Variants in NTN1 observed in about 807,000 individuals in gnomAD.
NTN1 encodes netrin 1, also known as netrin-1.
Under a neutral mutation model 54.2 loss-of-function variants are expected in NTN1, and 11 were observed. That is an observed-to-expected ratio of 0.20 (90% CI 0.13 to 0.34). The LOEUF is 0.34. Among genes scored for constraint, NTN1 ranks in the 10% least tolerant of loss-of-function variants. The probability of loss-of-function intolerance (pLI) is 1.00; values close to 1 mark genes in which losing one functional copy is unlikely to be tolerated. For synonymous variants in NTN1, 371 were observed against 382.0 expected, an observed-to-expected ratio of 0.97 and a Z score of 0.33; for missense variants, 740 against 893.1, an observed-to-expected ratio of 0.83 and a Z score of 2.18.
intron 2 of NTN1, among the ~76,000 whole-genome samples, chr17:9,090,268 T>C (rs1246972567): frequency 6.6e-6 from 1 of 151,768 alleles, no homozygotes; most frequent in South Asian, 2.1e-4. Context: ...CTCTGCCTCC[T>C]GGATTCAAGC....
intron 3 of NTN1, among the ~76,000 whole-genome samples, chr17:9,166,749 G>A (rs2092374540): frequency 6.6e-6 from 1 of 152,166 alleles, no homozygotes; most frequent in African/African-American, 2.4e-5. Flanking sequence ...AGGGGAACAG[G>A]GACAAAGGGC....
At chr17:9,045,889 T>TA (rs941492852) in intron 2 of NTN1, among the ~76,000 whole-genome samples, 9 of 152,030 alleles carry the variant, frequency 5.9e-5, no homozygotes, top group African/African-American at 2.2e-4. Context: ...ATCAGAGACT[T>TA]AAAAAAAGTA....
rs1905282527 is a variant in NTN1 at position 9,219,424 on chromosome 17, G to A, written c.1412-1744G>A. Among the ~76,000 whole-genome samples the A allele has an allele frequency of 6.6e-6, 1 of 152,230 alleles. No individual in the cohort carries two copies. The highest frequency in any genetic ancestry group is 6.5e-5 in the Admixed American group (1 of 15,284). On this transcript the variant is annotated intron_variant, in intron 5 of 6. Coordinates refer to ENST00000173229, the MANE Select transcript of NTN1 (RefSeq NM_004822.3). This position sits in a 1 kb window ranked among gnomAD's most constrained non-coding sequence, Gnocchi z 4.5. ...GGGCTCCGAGGGCTCAGATCATAGG[G>A]AGCAGGAAGCAGGGCTGTTTTTCTC...
chr17:9,195,103 G>A (rs1355742723), intron 5 of NTN1, among the ~76,000 whole-genome samples: 5 of 150,496 alleles, frequency 3.3e-5, no homozygotes, highest in Non-Finnish European at 5.9e-5. Flanking sequence ...CCACCCCCTC[G>A]TCCTTTTCCC....
At chr17:9,059,647 G>A (rs749889321) in intron 2 of NTN1, among the ~76,000 whole-genome samples, 4 of 152,168 alleles carry the variant, frequency 2.6e-5, no homozygotes, top group Non-Finnish European at 5.9e-5. Context: ...TGCCAGGGGC[G>A]GGAGGAAGGG....
intron 2 of NTN1, among the ~76,000 whole-genome samples, chr17:9,063,869 G>T (rs4408582): frequency 0.75 from 113,511 of 151,942 alleles, 42,705 homozygotes; most frequent in East Asian, 1. Flanking sequence ...GCAGATGCAT[G>T]CCTTGAGGAA....
At chr17:9,113,010 G>A (rs2092197658) in intron 2 of NTN1, among the ~76,000 whole-genome samples, 1 of 150,254 alleles carries the variant, frequency 6.7e-6, no homozygotes, top group Non-Finnish European at 1.5e-5. Flanking sequence ...GATACGTTTT[G>A]TATACAGAAT....
chr17:9,118,614 A>G (rs555232777), intron 2 of NTN1, among the ~76,000 whole-genome samples: 62 of 152,180 alleles, frequency 4.1e-4, no homozygotes, highest in African/African-American at 1.4e-3. Context: ...AATAAAACCC[A>G]TACCCATCAG....
At chr17:9,191,675 A>G (rs984084033) in intron 5 of NTN1, among the ~76,000 whole-genome samples, 1 of 152,178 alleles carries the variant, frequency 6.6e-6, no homozygotes, top group Admixed American at 6.5e-5. Flanking sequence ...ACAAATGGCA[A>G]TATGCATAGG....
chr17:9,144,503 C>T (rs2092307653), intron 2 of NTN1, among the ~76,000 whole-genome samples: 1 of 152,206 alleles, frequency 6.6e-6, no homozygotes, highest in Non-Finnish European at 1.5e-5. Context: ...CTTGACTCCC[C>T]TTTGTCACCT....
intron 2 of NTN1, among the ~76,000 whole-genome samples, chr17:9,031,543 G>A (rs2091888375): frequency 6.6e-6 from 1 of 152,176 alleles, no homozygotes; most frequent in South Asian, 2.1e-4. Context: ...GTCCCCTTCT[G>A]AAGACCTTCC....
intron 2 of NTN1, among the ~76,000 whole-genome samples, chr17:9,040,029 A>C (rs777444545): frequency 6.6e-5 from 10 of 152,218 alleles, no homozygotes; most frequent in Non-Finnish European, 1.0e-4. Context: ...TGGATGATAC[A>C]GTAGGTGTAG....
intron 2 of NTN1, among the ~76,000 whole-genome samples, chr17:9,157,285 C>G (rs1355172347): frequency 6.6e-6 from 1 of 152,236 alleles, no homozygotes; most frequent in Non-Finnish European, 1.5e-5. Flanking sequence ...GTTGAGAGTG[C>G]ATTGTCCATC....
At chr17:9,163,028 G>T (rs755497852) in intron 3 of NTN1, 27 bp downstream of exon 3, 10 of 1,566,570 alleles carry the variant, frequency 6.4e-6, no homozygotes, top group Admixed American at 3.7e-5. Flanking sequence ...GGGGCGGGGG[G>T]CTGGGGAGAC....
intron 2 of NTN1, among the ~76,000 whole-genome samples, chr17:9,149,017 G>T (rs956792308): frequency 1.3e-5 from 2 of 152,110 alleles, no homozygotes; most frequent in Non-Finnish European, 2.9e-5. Flanking sequence ...AGAATCAACT[G>T]CAAGTCATTA....
Position 9,135,448 on chromosome 17 carries a change from G to A in NTN1, c.1019-27365G>A, listed in dbSNP as rs938179033. Among the ~76,000 whole-genome samples, 1 of 152,176 alleles carries A rather than the reference G, an allele frequency of 6.6e-6. No individual in the cohort carries two copies. The highest frequency in any genetic ancestry group is 1.5e-5 in the Non-Finnish European group (1 of 68,040). On this transcript the variant is annotated intron_variant, in intron 2 of 6. Transcript: ENST00000173229. The surrounding 1 kb of genome is among the most constrained non-coding windows in gnomAD (Gnocchi z 4.4). ...TGGACGTCCTTCCCCCTATTCTCGGGTTGTCTCCTGTTCCCAGCAATAGTT... is the reference window on the plus strand; with the variant it reads ...TGGACGTCCTTCCCCCTATTCTCGGATTGTCTCCTGTTCCCAGCAATAGTT...
chr17:9,022,912 A>C lies in NTN1; in HGVS notation c.539A>C (p.Gln180Pro). 6.2e-7 allele frequency: 1 copy of C among 1,612,172 alleles called. No homozygotes were observed. Among genetic ancestry groups the C allele is most frequent in the Non-Finnish European group, 8.5e-7 (1 of 1,179,912 alleles). Residue 180 changes from glutamine to proline, a missense_variant, in exon 2 of 7, where the codon CAG (glutamine) becomes CCG (proline). Transcript: ENST00000173229. ...GTGCCCTTCCAGTTCTACTCCACGC[A>C]GTGCCGCAAGATGTACAACCGGCCG... ...TWVPFQFYSTQCRKMYNRPHR... is the reference protein window; with the variant it reads ...TWVPFQFYSTPCRKMYNRPHR...
intron 3 of NTN1, among the ~76,000 whole-genome samples, chr17:9,170,792 A>G (rs112396720): frequency 6.6e-6 from 1 of 152,168 alleles, no homozygotes; most frequent in African/African-American, 2.4e-5. Flanking sequence ...TGTGGCACAG[A>G]CACAGGACCC....
chr17:9,232,132 C>T (rs1305190928), intron 6 of NTN1, among the ~76,000 whole-genome samples: 3 of 152,170 alleles, frequency 2.0e-5, no homozygotes, highest in Non-Finnish European at 4.4e-5. Context: ...TCTGGTGGGC[C>T]CAGCCCCTTA....
Sources: gnomAD v4.1 joint callset for allele counts (sites outside exome capture counted in the v4.1 genomes callset) on GRCh38, gnomAD v4.1.1 for gene constraint, Gnocchi (gnomAD v3.1) non-coding constraint, MANE v1.5 for transcripts, NCBI Gene and HGNC (gene_info 2026-07-23, HGNC 2026-07-21) for gene names.